The following MAP3K20 variants were observed in gnomAD, a reference collection of about 807,000 sequenced individuals.
MAP3K20 encodes mitogen-activated protein kinase kinase kinase 20.
In MAP3K20, 40 loss-of-function variants were observed where a neutral mutation model predicts 85.7. The observed-to-expected ratio is 0.47, with a 90% CI of 0.36 to 0.61. The LOEUF (loss-of-function observed/expected upper bound fraction) is 0.61, where lower values mean the gene tolerates loss of function less well. MAP3K20 is among the 20% of genes least tolerant of loss of function. MAP3K20 has a pLI of 0.00. For missense variants in MAP3K20, 817 were observed against 961.7 expected (o/e 0.85, Z 1.99); for synonymous variants, 325 against 327.7 (o/e 0.99, Z 0.09).
At chr2:173,221,388 A>C in intron 11 of MAP3K20, 3 of 1,614,172 alleles carry the variant, frequency 1.9e-6, no homozygotes, top group Non-Finnish European at 2.5e-6. Context: ...GCCAAGCAGA[A>C]TTCTTCCAAA....
intron 2 of MAP3K20, among the ~76,000 whole-genome samples, chr2:173,106,377 G>A (rs1687783909): frequency 6.6e-6 from 1 of 152,150 alleles, no homozygotes; most frequent in Non-Finnish European, 1.5e-5. Context: ...TCCAGAATTA[G>A]GCTCACATAT....
At chr2:173,206,127 A>T (rs1574108983) in intron 9 of MAP3K20, among the ~76,000 whole-genome samples, 1 of 152,212 alleles carries the variant, frequency 6.6e-6, no homozygotes, top group Non-Finnish European at 1.5e-5. Flanking sequence ...GAATTTGATT[A>T]TTGCAGCTAG....
At chr2:173,229,012 C>T (rs1440039138) in intron 11 of MAP3K20, among the ~76,000 whole-genome samples, 3 of 152,172 alleles carry the variant, frequency 2.0e-5, no homozygotes, top group Non-Finnish European at 1.5e-5. Flanking sequence ...TTTAGATGGC[C>T]ATGGGGCATA....
At chr2:173,217,894 C>A (rs1238574724) in intron 11 of MAP3K20, among the ~76,000 whole-genome samples, 3 of 152,186 alleles carry the variant, frequency 2.0e-5, no homozygotes, top group African/African-American at 7.2e-5. Flanking sequence ...AAGCATTTCA[C>A]TGGTTATACA....
At chr2:173,194,742 T>A (rs1001695697) in intron 7 of MAP3K20, among the ~76,000 whole-genome samples, 8 of 148,434 alleles carry the variant, frequency 5.4e-5, no homozygotes, top group Admixed American at 4.8e-4. Flanking sequence ...CACATACAGA[T>A]GAATAAGACC....
At chr2:173,260,990 G>A (rs1022485379) in intron 17 of MAP3K20, 73 bp from the exon 18 acceptor site, 85 of 1,389,302 alleles carry the variant, frequency 6.1e-5, no homozygotes, top group African/African-American at 1.3e-4. Context: ...TGGCACAACC[G>A]GCCTCAAAGA....
At chr2:173,256,041 T>G (rs1292684970) in intron 16 of MAP3K20, among the ~76,000 whole-genome samples, 1 of 152,262 alleles carries the variant, frequency 6.6e-6, no homozygotes, top group African/African-American at 2.4e-5. Context: ...TGAACGGACC[T>G]TTTCCTTCAC....
At chr2:173,176,629 G>T (rs988081146) in intron 3 of MAP3K20, among the ~76,000 whole-genome samples, 1 of 152,090 alleles carries the variant, frequency 6.6e-6, no homozygotes, top group African/African-American at 2.4e-5. Context: ...GACAATAAAG[G>T]CGGAACAGGA....
intron 2 of MAP3K20, among the ~76,000 whole-genome samples, chr2:173,103,581 A>C (rs6727541): frequency 0.42 from 63,513 of 151,904 alleles, 14,422 homozygotes; most frequent in African/African-American, 0.59. Context: ...CTCTCACCTA[A>C]ATGTAAGGTG....
chr2:173,256,001 T>C (rs754296854), intron 16 of MAP3K20, among the ~76,000 whole-genome samples: 33 of 152,258 alleles, frequency 2.2e-4, no homozygotes, highest in Non-Finnish European at 4.1e-4. Flanking sequence ...ATTTGACTTA[T>C]GTTAGCCAAG....
At chr2:173,221,503 G>A in intron 11 of MAP3K20, 1 of 1,595,640 alleles carries the variant, frequency 6.3e-7, no homozygotes, top group Non-Finnish European at 8.6e-7. Context: ...GTGAGGAGGA[G>A]GATAATGACA....
intron 11 of MAP3K20, among the ~76,000 whole-genome samples, chr2:173,227,867 G>A (rs16861393): frequency 0.21 from 31,187 of 152,038 alleles, 3,333 homozygotes; most frequent in Admixed American, 0.26. Flanking sequence ...AAAAAGTTTC[G>A]TATTTCACAT....
At chr2:173,226,393 A>G in intron 11 of MAP3K20, 1 of 985,446 alleles carries the variant, frequency 1.0e-6, no homozygotes, top group Non-Finnish European at 1.2e-6. Flanking sequence ...GTTTCATCAT[A>G]CCACATATAT....
chr2:173,195,531 G>A (rs973822275), intron 7 of MAP3K20, among the ~76,000 whole-genome samples: 2 of 152,138 alleles, frequency 1.3e-5, no homozygotes, highest in African/African-American at 4.8e-5. Context: ...ATAATATTTG[G>A]CCTGAATCCT....
At chr2:173,125,557 C>T (rs1688416980) in intron 2 of MAP3K20, among the ~76,000 whole-genome samples, 1 of 151,726 alleles carries the variant, frequency 6.6e-6, no homozygotes, top group African/African-American at 2.4e-5. Flanking sequence ...ACTAGCATTT[C>T]TTGTCAAACA....
intron 11 of MAP3K20, chr2:173,225,908 TA>T (rs67401411): frequency 8.9e-3 from 7,202 of 809,738 alleles, no homozygotes; most frequent in Middle Eastern, 0.018. Context: ...ATTCCACAAT[TA>T]AAAAAAAAAA....
At position 173,203,828 on chromosome 2, in the gene MAP3K20, T is replaced by A. The variant is rs1232589575; in HGVS notation, c.702T>A (p.Ser234Arg). 1.2e-6 allele frequency: 2 copies of A among 1,613,948 alleles called. No individual in the cohort carries two copies. The highest frequency in any genetic ancestry group is 2.2e-5 in the South Asian group (2 of 91,084). Residue 234 changes from serine (S) to arginine (R), a missense_variant, in exon 9 of 20, where the codon AGT (serine) becomes AGA (arginine). Coordinates refer to ENST00000375213, the MANE Select transcript of MAP3K20 (RefSeq NM_016653.3). Reference protein sequence around the residue: ...RLTIPSSCPRSFAELLHQCWE... With the variant: ...RLTIPSSCPRRFAELLHQCWE... ...CCATTCCAAGCAGTTGCCCCAGAAG[T>A]TTTGCTGAACTGTTACATCAGTGTT...
At chr2:173,120,777 G>A (rs193175304) in intron 2 of MAP3K20, among the ~76,000 whole-genome samples, 5,002 of 138,242 alleles carry the variant, frequency 0.036, 320 homozygotes, top group African/African-American at 0.12. Flanking sequence ...GCATGATCTC[G>A]GCTCACTGCA....
At chr2:173,222,522 G>C in intron 11 of MAP3K20, 1 of 985,798 alleles carries the variant, frequency 1.0e-6, no homozygotes, top group Non-Finnish European at 1.2e-6. Flanking sequence ...TGGTCTTAAG[G>C]GGATGCTTCC....
Sources: gnomAD v4.1 joint callset for allele counts (sites outside exome capture counted in the v4.1 genomes callset) on GRCh38, gnomAD v4.1.1 for gene constraint, MANE v1.5 for transcripts, NCBI Gene and HGNC (gene_info 2026-07-23, HGNC 2026-07-21) for gene names.